TTLL7: variants seen among roughly 807,000 people sequenced by gnomAD.
TTLL7 encodes the protein tubulin polyglutamylase TTLL7.
A neutral mutation model predicts 120.2 loss-of-function variants in TTLL7; 53 were observed. The ratio of observed to expected loss-of-function variants is 0.44; its 90% CI spans 0.35 to 0.55. TTLL7 has a LOEUF of 0.55. Among genes scored for constraint, TTLL7 ranks in the 20% least tolerant of loss-of-function variants. The pLI, the probability that TTLL7 is intolerant of heterozygous loss-of-function variation, is 0.00. For missense variants in TTLL7, 803 were observed against 1,054.7 expected (o/e 0.76, Z 3.31); for synonymous variants, 353 against 351.7 (o/e 1.00, Z -0.04).
chr1:83,909,273 T>TC (rs1296634970), intron 15 of TTLL7, among the ~76,000 whole-genome samples: 1 of 146,964 alleles, frequency 6.8e-6, no homozygotes, highest in Non-Finnish European at 1.5e-5. Flanking sequence ...TTTTTCCTTT[T>TC]TTTTTTTTTT....
At chr1:83,967,459 A>G (rs768660358) in intron 1 of TTLL7, among the ~76,000 whole-genome samples, 1 of 152,094 alleles carries the variant, frequency 6.6e-6, no homozygotes, top group Non-Finnish European at 1.5e-5. Context: ...TTTGACTGGG[A>G]AGGATTAGCT....
chr1:83,915,943 A>G (rs1658117920), intron 14 of TTLL7, among the ~76,000 whole-genome samples: 1 of 152,246 alleles, frequency 6.6e-6, no homozygotes, highest in African/African-American at 2.4e-5. Context: ...ACAATGAGAT[A>G]CCATCTCACA....
In TTLL7 at chr1:83,881,447, C is replaced by T. The variant is rs1396628952; in HGVS notation, c.2543+1516G>A. Among the ~76,000 whole-genome samples, 29 of 151,650 alleles carry T rather than the reference C, an allele frequency of 1.9e-4. No homozygotes were observed. In the East Asian group the frequency reaches 1.9e-3, roughly 10 times the overall value. On this transcript the variant is annotated intron_variant, in intron 20 of 20. Coordinates refer to ENST00000260505, the MANE Select transcript of TTLL7 (RefSeq NM_024686.6). ...GCAAAGGACATGAACAGACACTTCTCAAAAGAAGACATTTATGCAGCCAAA... is the reference window on the plus strand; with the variant it reads ...GCAAAGGACATGAACAGACACTTCTTAAAAGAAGACATTTATGCAGCCAAA...
chr1:83,934,727 C>G (rs1557678885), intron 8 of TTLL7, among the ~76,000 whole-genome samples: 1 of 152,160 alleles, frequency 6.6e-6, no homozygotes, highest in Non-Finnish European at 1.5e-5. Context: ...TAGAAAAAGA[C>G]AGTTAAGAAC....
chr1:83,931,471 T>C (rs1444732618), intron 9 of TTLL7, among the ~76,000 whole-genome samples: 4 of 152,058 alleles, frequency 2.6e-5, no homozygotes, highest in Non-Finnish European at 5.9e-5. Context: ...GTAAAGATTC[T>C]TTTTAACTCT....
chr1:83,882,626 T>C (rs1571042122), intron 20 of TTLL7: 1 of 186,448 alleles, frequency 5.4e-6, no homozygotes, highest in Non-Finnish European at 1.1e-5. Flanking sequence ...CAAGGGTAAA[T>C]GTTGAAATAT....
chr1:83,880,838 C>G (rs1273457771), intron 20 of TTLL7, among the ~76,000 whole-genome samples: 1 of 151,992 alleles, frequency 6.6e-6, no homozygotes. Flanking sequence ...TGACTTCAAA[C>G]TATACTACAA....
At position 83,951,860 on chromosome 1, in the gene TTLL7, T is replaced by A. The variant is rs1473089671; in HGVS notation, c.142A>T (p.Thr48Ser). 6.2e-7 allele frequency: 1 copy of A among 1,608,780 alleles called. No homozygotes were observed. The highest frequency in any genetic ancestry group is 8.5e-7 in the Non-Finnish European group (1 of 1,178,642). ...GGAAACCTACCAATTTCAAACTTTG[T>A]CCCGGCAACATTTGCTGTAATGGTT... ...KGTITANVAG[T>S]KFEIVRLVID... Residue 48 changes from threonine (T) to serine (S), a missense_variant, in exon 3 of 21, where the codon ACA (threonine) becomes TCA (serine). This residue lies in a region of TTLL7 where 91 missense variants were observed against 96.6 expected (regional missense o/e 0.94). Coordinates refer to ENST00000260505, the MANE Select transcript of TTLL7 (RefSeq NM_024686.6).
At chr1:83,880,204 C>A (rs1654322531) in intron 20 of TTLL7, 1 of 151,760 alleles carries the variant, frequency 6.6e-6, no homozygotes, top group South Asian at 2.1e-4. Context: ...TCAGTGAAAC[C>A]ATTAAAACTG....
Position 83,903,976 on chromosome 1 carries a change from T to C in TTLL7, c.2208+103A>G, listed in dbSNP as rs1656962224. 3.4e-5 allele frequency: 29 copies of C among 860,860 alleles called. 2 individuals are homozygous for C. In the South Asian group the frequency reaches 4.2e-4, roughly 12 times the overall value. The allele number at this position is 860,860 out of a possible 1,614,324, so 53.3% of individuals were successfully genotyped here. On this transcript the variant is annotated intron_variant, in intron 18 of 20. Coordinates refer to ENST00000260505, the MANE Select transcript of TTLL7 (RefSeq NM_024686.6). ...AATAAGTGTTTGTTGAAGAAATGAGTAAACAAATGAGCAAATATACAGTCT... is the reference window on the plus strand; with the variant it reads ...AATAAGTGTTTGTTGAAGAAATGAGCAAACAAATGAGCAAATATACAGTCT...
intron 1 of TTLL7, among the ~76,000 whole-genome samples, chr1:83,992,188 A>T (rs1409264076): frequency 6.6e-6 from 1 of 152,150 alleles, no homozygotes; most frequent in Non-Finnish European, 1.5e-5. Flanking sequence ...GCACATATAT[A>T]TATACAGCTC....
chr1:83,935,647 T>C (rs1040418292), intron 8 of TTLL7, among the ~76,000 whole-genome samples: 10 of 152,036 alleles, frequency 6.6e-5, no homozygotes, highest in South Asian at 2.1e-4. Context: ...ACGGAAGGTA[T>C]TGATGAATGC....
intron 8 of TTLL7, among the ~76,000 whole-genome samples, chr1:83,934,332 G>A (rs1048076375): frequency 1.4e-4 from 22 of 152,132 alleles, no homozygotes; most frequent in African/African-American, 5.1e-4. Flanking sequence ...AGGAGCATAC[G>A]CTAGCCCCAT....
At chr1:83,882,094 G>A (rs1461024223) in intron 20 of TTLL7, among the ~76,000 whole-genome samples, 2 of 109,394 alleles carry the variant, frequency 1.8e-5, no homozygotes, top group East Asian at 3.2e-4. Flanking sequence ...GTTGTGGGGT[G>A]GGGGGAGGGG....
At chr1:83,881,880 C>A (rs61768015) in intron 20 of TTLL7, among the ~76,000 whole-genome samples, 22 of 148,292 alleles carry the variant, frequency 1.5e-4, no homozygotes, top group African/African-American at 5.2e-4. Context: ...AAATGTGGCA[C>A]ATATACACCA....
chr1:83,911,712 A>G (rs1209830610), intron 14 of TTLL7, among the ~76,000 whole-genome samples: 4 of 151,614 alleles, frequency 2.6e-5, no homozygotes, highest in South Asian at 2.1e-4. Context: ...TTTTCATTCC[A>G]TAAGAGATTA....
intron 13 of TTLL7, 35 bp from the exon 14 acceptor site, chr1:83,917,725 TA>T (rs774686773): frequency 7.2e-7 from 1 of 1,388,854 alleles, no homozygotes; most frequent in Non-Finnish European, 1.0e-6. Context: ...TTACAACCAC[TA>T]ATGGACTCTA....
chr1:83,913,169 T>C (rs1027433106), intron 14 of TTLL7: 2 of 152,248 alleles, frequency 1.3e-5, no homozygotes, highest in East Asian at 3.9e-4. Flanking sequence ...CTCTAAATAG[T>C]GTCTTAACTA....
At chr1:83,890,259 T>A in intron 19 of TTLL7, 62 bp downstream of exon 19, 1 of 1,465,866 alleles carries the variant, frequency 6.8e-7, no homozygotes, top group Non-Finnish European at 9.2e-7. Context: ...TATTAGGATA[T>A]CTCTATAACT....
Sources: allele counts gnomAD v4.1 joint callset (sites outside exome capture counted in the v4.1 genomes callset), GRCh38; gene constraint gnomAD v4.1.1; regional missense constraint gnomAD v4.1.1; transcripts MANE v1.5; gene names NCBI Gene and HGNC (gene_info 2026-07-23, HGNC 2026-07-21).